The following CCDC91 variants were observed in gnomAD, a reference collection of about 807,000 sequenced individuals.
The protein encoded by CCDC91 is coiled-coil domain-containing protein 91.
In CCDC91, 48 loss-of-function variants were observed where a neutral mutation model predicts 63.2. That is an observed-to-expected ratio of 0.76 (90% confidence interval 0.60 to 0.97). The LOEUF is 0.97. CCDC91 is among the 50% of genes least tolerant of loss of function. The probability of loss-of-function intolerance (pLI) is 0.00; values close to 1 mark genes in which losing one functional copy is unlikely to be tolerated. For synonymous variants in CCDC91, 167 were observed against 165.8 expected, an observed-to-expected ratio of 1.01 and a Z score of -0.06; for missense variants, 500 against 494.6, an observed-to-expected ratio of 1.01 and a Z score of -0.10.
intron 3 of CCDC91, among the ~76,000 whole-genome samples, chr12:28,300,413 G>A (rs756949029): frequency 5.3e-5 from 8 of 151,332 alleles, no homozygotes; most frequent in Non-Finnish European, 1.0e-4. Flanking sequence ...ACTTTCTGAT[G>A]TGTTCTTCTG....
intron 12 of CCDC91, among the ~76,000 whole-genome samples, chr12:28,525,633 G>C (rs1941191775): frequency 6.6e-6 from 1 of 152,034 alleles, no homozygotes; most frequent in South Asian, 2.1e-4. Flanking sequence ...CCAGGGTATA[G>C]TTTAAATGCA....
At chr12:28,248,367 C>T (rs1945900031) in intron 1 of CCDC91, among the ~76,000 whole-genome samples, 2 of 152,034 alleles carry the variant, frequency 1.3e-5, no homozygotes, top group Non-Finnish European at 2.9e-5. Context: ...GATAGAGATA[C>T]CATAGCTTAT....
At chr12:28,537,638 C>A (rs1204416592) in intron 12 of CCDC91, among the ~76,000 whole-genome samples, 1 of 152,152 alleles carries the variant, frequency 6.6e-6, no homozygotes, top group Non-Finnish European at 1.5e-5. Flanking sequence ...AGAAGCTAAA[C>A]AAAGTCATAA....
At chr12:28,482,141 A>T (rs551882119) in intron 11 of CCDC91, among the ~76,000 whole-genome samples, 1 of 151,962 alleles carries the variant, frequency 6.6e-6, no homozygotes, top group Non-Finnish European at 1.5e-5. Context: ...ATTCTTCACT[A>T]CAGAAGTATT....
At chr12:28,256,989 A>ATAC (rs1946498118) in intron 1 of CCDC91, 1 of 449,708 alleles carries the variant, frequency 2.2e-6, no homozygotes. Context: ...CTCAACATAA[A>ATAC]ATGGCAAAAT....
At chr12:28,246,224 C>T in intron 1 of CCDC91, among the ~76,000 whole-genome samples, 1 of 152,174 alleles carries the variant, frequency 6.6e-6, no homozygotes, top group East Asian at 1.9e-4. Flanking sequence ...GATGAAACAT[C>T]ATTCATTTGA....
intron 11 of CCDC91, among the ~76,000 whole-genome samples, chr12:28,462,620 C>T (rs1291948476): frequency 6.6e-6 from 1 of 152,090 alleles, no homozygotes; most frequent in Non-Finnish European, 1.5e-5. Context: ...AACAAATCCA[C>T]ATGTTCATTA....
chr12:28,263,227 T>A (rs1946947525), intron 3 of CCDC91, among the ~76,000 whole-genome samples: 2 of 152,070 alleles, frequency 1.3e-5, no homozygotes, highest in South Asian at 4.1e-4. Context: ...CATATGCTAA[T>A]TTGTATTTTT....
At chr12:28,319,888 T>A (rs1361398483) in intron 6 of CCDC91, among the ~76,000 whole-genome samples, 2 of 151,822 alleles carry the variant, frequency 1.3e-5, no homozygotes, top group Non-Finnish European at 2.9e-5. Context: ...TACCCCCAGC[T>A]GGTTAAATCC....
chr12:28,484,626 G>C (rs1320793610), intron 12 of CCDC91, among the ~76,000 whole-genome samples: 2 of 151,982 alleles, frequency 1.3e-5, no homozygotes, highest in South Asian at 2.1e-4. Flanking sequence ...CCATAACTCA[G>C]AATATGCTTG....
intron 12 of CCDC91, among the ~76,000 whole-genome samples, chr12:28,494,847 A>T (rs1427904560): frequency 6.6e-6 from 1 of 151,772 alleles, no homozygotes; most frequent in Non-Finnish European, 1.5e-5. Flanking sequence ...CACATCTACA[A>T]CAGCAGCTGC....
intron 8 of CCDC91, among the ~76,000 whole-genome samples, chr12:28,443,475 A>G (rs1364781320): frequency 6.6e-6 from 1 of 152,080 alleles, no homozygotes; most frequent in Non-Finnish European, 1.5e-5. Context: ...TCATTCATTC[A>G]TGCATGCATG....
At chr12:28,236,264 C>T (rs188792014) in intron 1 of CCDC91, 2 of 151,712 alleles carry the variant, frequency 1.3e-5, no homozygotes, top group Admixed American at 1.3e-4. Flanking sequence ...TAACTTTGTT[C>T]CCATTTTGTA....
intron 8 of CCDC91, among the ~76,000 whole-genome samples, chr12:28,416,001 T>C (rs1392441480): frequency 2.0e-5 from 3 of 151,522 alleles, no homozygotes; most frequent in Non-Finnish European, 1.5e-5. Flanking sequence ...GGAAATCCAG[T>C]CATGAGGTAA....
chr12:28,524,430 C>A (rs1941064049), intron 12 of CCDC91, among the ~76,000 whole-genome samples: 1 of 151,850 alleles, frequency 6.6e-6, no homozygotes, highest in Non-Finnish European at 1.5e-5. Context: ...TTAAACTATC[C>A]CTGCATCCCT....
chr12:28,345,436 C>T (rs1460284931), intron 6 of CCDC91, among the ~76,000 whole-genome samples: 1 of 151,742 alleles, frequency 6.6e-6, no homozygotes, highest in Non-Finnish European at 1.5e-5. Context: ...GTTTTCTGAC[C>T]TTTTACTACA....
intron 3 of CCDC91, among the ~76,000 whole-genome samples, chr12:28,286,644 GC>G (rs2136685640): frequency 6.6e-6 from 1 of 152,278 alleles, no homozygotes; most frequent in Admixed American, 6.5e-5. Context: ...CCATGTCTTT[GC>G]TATTGTGAAA....
At chr12:28,427,413 G>T (rs1365250572) in intron 8 of CCDC91, among the ~76,000 whole-genome samples, 3 of 152,026 alleles carry the variant, frequency 2.0e-5, no homozygotes, top group African/African-American at 7.2e-5. Flanking sequence ...AGCTTTTATG[G>T]TGCATTACAG....
chr12:28,207,458 C>G (rs749655005), intron 1 of CCDC91, among the ~76,000 whole-genome samples: 1 of 152,038 alleles, frequency 6.6e-6, no homozygotes, highest in East Asian at 1.9e-4. Context: ...TAATTGTCCT[C>G]AAAACCATAA....
Sources: allele counts gnomAD v4.1 joint callset (sites outside exome capture counted in the v4.1 genomes callset), GRCh38; gene constraint gnomAD v4.1.1; transcripts MANE v1.5; gene names NCBI Gene and HGNC (gene_info 2026-07-23, HGNC 2026-07-21).